TMEM164: variants seen among roughly 807,000 people sequenced by gnomAD.
TMEM164 encodes the protein RP13-360B22.2.
In TMEM164, 4 loss-of-function variants were observed where a neutral mutation model predicts 18.8. The observed-to-expected ratio is 0.21, with a 90% confidence interval of 0.10 to 0.49. TMEM164 has a LOEUF of 0.49. Among genes scored for constraint, TMEM164 ranks in the 20% least tolerant of loss-of-function variants. TMEM164 has a pLI of 0.98. For synonymous variants in TMEM164, 86 were observed against 101.7 expected (o/e 0.85, Z 0.93); for missense variants, 108 against 239.9 (o/e 0.45, Z 3.63).
chrX:110,021,150 A>C (rs753681651), intron 2 of TMEM164, among the ~76,000 whole-genome samples: 8 of 111,750 alleles, frequency 7.2e-5, no homozygotes, highest in Non-Finnish European at 1.5e-4. Context: ...AATTTGGTTT[A>C]AGTGTAGATT....
intron 4 of TMEM164, among the ~76,000 whole-genome samples, chrX:110,124,121 TGGAAGGAAGGAA>T (rs1200145593): frequency 0.035 from 2,295 of 65,310 alleles, 44 homozygotes; most frequent in Non-Finnish European, 0.045. Flanking sequence ...TAATAACAAA[TGGAAGGAAGGAA>T]GGAAGGAAGG....
chrX:110,105,566 T>C (rs766973649), intron 3 of TMEM164, among the ~76,000 whole-genome samples: 1 of 109,327 alleles, frequency 9.1e-6, no homozygotes, highest in Non-Finnish European at 1.9e-5. Flanking sequence ...GTGATCAGGA[T>C]AGTTGCCACA....
chrX:110,094,967 G>T (rs757860685), intron 3 of TMEM164, among the ~76,000 whole-genome samples: 1 of 111,547 alleles, frequency 9.0e-6, no homozygotes, highest in Non-Finnish European at 1.9e-5. Flanking sequence ...TGAAATTCTG[G>T]GTTGAAAATT....
Position 110,177,751 on chromosome X carries a change from T to A in TMEM164, c.*4300T>A, listed in dbSNP as rs2067305888. ...CTCACCATGGGGCTTACTGTTATAA[T>A]GTTTCTTCATTTACTGTTATTAAAA... On this transcript the variant is annotated 3_prime_UTR_variant, in exon 7 of 7. Coordinates refer to ENST00000372068, the MANE Select transcript of TMEM164 (RefSeq NM_032227.4). 8.9e-6 allele frequency: 1 copy of A among 112,440 alleles called. No individual in the cohort carries two copies. The highest frequency in any genetic ancestry group is 3.2e-5 in the African/African-American group (1 of 30,917). The allele number at this position is 112,440 out of a possible 1,213,427, so 9.3% of individuals were successfully genotyped here.
At chrX:110,030,108 G>GTTTTTT (rs34803907) in intron 2 of TMEM164, among the ~76,000 whole-genome samples, 3 of 26,992 alleles carry the variant, frequency 1.1e-4, no homozygotes, top group Non-Finnish European at 1.9e-4. Context: ...TTCTCTGTCT[G>GTTTTTT]TTTTTTTTTT....
At chrX:110,024,710 A>G (rs944035990) in intron 2 of TMEM164, among the ~76,000 whole-genome samples, 1 of 112,191 alleles carries the variant, frequency 8.9e-6, no homozygotes. Flanking sequence ...CTGTGTGAGA[A>G]TTAGTAAAAT....
At chrX:110,141,984 A>T (rs968432378) in intron 4 of TMEM164, among the ~76,000 whole-genome samples, 22 of 111,519 alleles carry the variant, frequency 2.0e-4, no homozygotes, top group Non-Finnish European at 1.5e-4. Context: ...TGAAGTAGAG[A>T]AGTCTTAGAG....
chrX:110,100,720 C>T (rs1291779557), intron 3 of TMEM164, among the ~76,000 whole-genome samples: 1 of 110,408 alleles, frequency 9.1e-6, no homozygotes, highest in Admixed American at 9.6e-5. Context: ...TACAGGCGCC[C>T]ACCACCTCGC....
chrX:110,103,255 G>A (rs1247192258), intron 3 of TMEM164, among the ~76,000 whole-genome samples: 1 of 112,502 alleles, frequency 8.9e-6, no homozygotes, highest in Non-Finnish European at 1.9e-5. Context: ...TGGTCCCAGA[G>A]ACAAGAGGCT....
At chrX:110,063,601 T>C (rs1936205671) in intron 2 of TMEM164, among the ~76,000 whole-genome samples, 1 of 111,531 alleles carries the variant, frequency 9.0e-6, no homozygotes, top group South Asian at 3.8e-4. Context: ...TACAGGGATC[T>C]TTCCTGAGGA....
rs758712028 is a variant in TMEM164, at chrX:110,128,102, T to C, written c.508-16696T>C. 6.2e-5 allele frequency among the ~76,000 whole-genome samples: 7 copies of C among 112,681 alleles called. No homozygotes were observed. In the East Asian group the frequency reaches 2.0e-3, roughly 31 times the overall value. ...CCTAAGACCTATAAGTCTCAACTAA[T>C]TTGAAGAATACTCTGGTGACCAAAG... On this transcript the variant is annotated intron_variant, in intron 4 of 6. Transcript: ENST00000372068.
At chrX:110,163,006 C>A (rs1398910112) in intron 5 of TMEM164, among the ~76,000 whole-genome samples, 1 of 112,587 alleles carries the variant, frequency 8.9e-6, no homozygotes, top group Non-Finnish European at 1.9e-5. Context: ...CAGGTCAGAT[C>A]ATCCCTGACT....
At chrX:110,069,244 T>C (rs190453956) in intron 3 of TMEM164, among the ~76,000 whole-genome samples, 1,131 of 111,987 alleles carry the variant, frequency 0.01, 16 homozygotes, top group African/African-American at 0.035. Flanking sequence ...AAAAACAGGC[T>C]GTTATGCTAC....
chrX:110,025,663 T>C (rs1010743735), intron 2 of TMEM164, among the ~76,000 whole-genome samples: 6 of 112,276 alleles, frequency 5.3e-5, no homozygotes, highest in Non-Finnish European at 1.1e-4. Context: ...AATGGGTACC[T>C]CCTAAACACT....
At chrX:110,020,783 A>T in intron 2 of TMEM164, 4 of 566,483 alleles carry the variant, frequency 7.1e-6, no homozygotes, top group Non-Finnish European at 8.6e-6. Flanking sequence ...TTATGGCATC[A>T]GTGTTGGTGG....
At chrX:110,126,810 C>CTGTGTGTGTGTGTGTGTG (rs4035483) in intron 4 of TMEM164, among the ~76,000 whole-genome samples, 6 of 69,578 alleles carry the variant, frequency 8.6e-5, no homozygotes, top group African/African-American at 2.3e-4. Context: ...TGGGCCACTC[C>CTGTGTGTGTGTGTGTGTG]TGTGTGTGTG....
intron 3 of TMEM164, among the ~76,000 whole-genome samples, chrX:110,087,685 G>A (rs2065873107): frequency 9.0e-6 from 1 of 110,953 alleles, no homozygotes; most frequent in African/African-American, 3.3e-5. Flanking sequence ...GTAAGAAAAG[G>A]GCATAGCAGA....
intron 2 of TMEM164, among the ~76,000 whole-genome samples, chrX:110,060,005 G>A (rs1422819757): frequency 9.0e-6 from 1 of 111,672 alleles, no homozygotes; most frequent in East Asian, 2.8e-4. Flanking sequence ...GCTCACACTA[G>A]TAATCTTAGT....
intron 3 of TMEM164, among the ~76,000 whole-genome samples, chrX:110,085,465 A>G (rs1223854372): frequency 2.7e-5 from 3 of 110,576 alleles, no homozygotes; most frequent in Non-Finnish European, 3.8e-5. Context: ...ATGCCTGGTC[A>G]GGTTTTTTGT....
Sources: allele counts gnomAD v4.1 joint callset (sites outside exome capture counted in the v4.1 genomes callset), GRCh38; gene constraint gnomAD v4.1.1; transcripts MANE v1.5; gene names NCBI Gene and HGNC (gene_info 2026-07-23, HGNC 2026-07-21).